The following EXOC6B variants were observed in gnomAD, a reference collection of about 807,000 sequenced individuals.
EXOC6B encodes SEC15 homolog B.
In EXOC6B, 54 loss-of-function variants were observed where a neutral mutation model predicts 113.5. The ratio of observed to expected loss-of-function variants is 0.48; its 90% CI spans 0.38 to 0.60. The LOEUF is 0.60. Among genes scored for constraint, EXOC6B ranks in the 20% least tolerant of loss-of-function variants. The pLI is 0.00. For synonymous variants in EXOC6B, 357 were observed against 339.0 expected (o/e 1.05, Z -0.58); for missense variants, 797 against 977.5 (o/e 0.82, Z 2.46).
At chr2:72,545,142 A>T (rs966174697) in intron 8 of EXOC6B, among the ~76,000 whole-genome samples, 2 of 152,154 alleles carry the variant, frequency 1.3e-5, no homozygotes, top group Non-Finnish European at 2.9e-5. Context: ...AAAAAATACT[A>T]GGCTATGGGA....
At chr2:72,682,921 T>C (rs959243995) in intron 6 of EXOC6B, among the ~76,000 whole-genome samples, 1 of 152,208 alleles carries the variant, frequency 6.6e-6, no homozygotes, top group Non-Finnish European at 1.5e-5. Context: ...AGTTCTCATG[T>C]AATTCCAGGG....
intron 2 of EXOC6B, among the ~76,000 whole-genome samples, chr2:72,735,680 G>A (rs1252459435): frequency 6.6e-6 from 1 of 151,778 alleles, no homozygotes; most frequent in African/African-American, 2.4e-5. Context: ...GCTGGGCATG[G>A]TGGTGCATGC....
intron 6 of EXOC6B, among the ~76,000 whole-genome samples, chr2:72,716,114 T>C (rs1679600080): frequency 6.6e-6 from 1 of 152,190 alleles, no homozygotes; most frequent in African/African-American, 2.4e-5. Context: ...ACCAACAGAA[T>C]ATGGGTAGAA....
intron 6 of EXOC6B, among the ~76,000 whole-genome samples, chr2:72,662,438 A>C (rs1675090825): frequency 6.6e-6 from 1 of 152,238 alleles, no homozygotes; most frequent in Admixed American, 6.5e-5. Context: ...TCCAGAATAC[A>C]TAAACAACTC....
At chr2:72,473,175 T>C (rs541685832) in intron 17 of EXOC6B, among the ~76,000 whole-genome samples, 1 of 152,312 alleles carries the variant, frequency 6.6e-6, no homozygotes, top group South Asian at 2.1e-4. Flanking sequence ...AGATGTTCTC[T>C]AAATGTCTGT....
At position 72,202,717 on chromosome 2, in the gene EXOC6B, T is replaced by C. The variant is rs76151822; in HGVS notation, c.2197-18530A>G. ...TCAGAAGTAGATACTAAGGTGACAC[T>C]GAAAAATCACCTTGTTTTAGCCAGT... On this transcript the variant is annotated intron_variant, in intron 20 of 21. Coordinates refer to ENST00000272427, the MANE Select transcript of EXOC6B (RefSeq NM_015189.3). Among the ~76,000 whole-genome samples, 463 of 152,344 alleles carry C rather than the reference T, an allele frequency of 3.0e-3. 19 individuals carry two copies. In the East Asian group the frequency reaches 0.075, roughly 25 times the overall value.
chr2:72,235,434 C>T (rs1035126184), intron 20 of EXOC6B, among the ~76,000 whole-genome samples: 1 of 152,050 alleles, frequency 6.6e-6, no homozygotes, highest in Non-Finnish European at 1.5e-5. Context: ...GGGAGAGGAT[C>T]GAAAAACTAC....
intron 16 of EXOC6B, among the ~76,000 whole-genome samples, chr2:72,483,134 C>A (rs778889921): frequency 7.2e-5 from 11 of 152,170 alleles, no homozygotes; most frequent in Non-Finnish European, 1.3e-4. Context: ...CCAAAATAAG[C>A]AATTCATCAC....
At chr2:72,710,295 C>G (rs1319891322) in intron 6 of EXOC6B, among the ~76,000 whole-genome samples, 1 of 152,092 alleles carries the variant, frequency 6.6e-6, no homozygotes, top group Non-Finnish European at 1.5e-5. Context: ...CACCCCAACT[C>G]AATATCAGTA....
intron 1 of EXOC6B, among the ~76,000 whole-genome samples, chr2:72,808,886 A>G (rs1040414359): frequency 3.3e-5 from 5 of 152,198 alleles, no homozygotes; most frequent in African/African-American, 1.2e-4. Flanking sequence ...CCTGGGCAAC[A>G]TGGCAAAACC....
rs1271470883 is a variant in EXOC6B, at chr2:72,176,120, CAAGT to C, written c.*3211_*3214del. 2.6e-5 allele frequency: 4 copies of C among 152,134 alleles called. No homozygotes were observed. Among genetic ancestry groups the C allele is most frequent in the African/African-American group, 9.7e-5 (4 of 41,428 alleles). The allele number at this position is 152,134 out of a possible 1,614,324, so 9.4% of individuals were successfully genotyped here. A position where few individuals can be genotyped will look rare whatever the true frequency, so the allele number is the denominator to read the frequency against. ...CGGCCCATCTGTATCAGTAGCTTTA[CAAGT>C]AAGTTTTAGAGAAAAAAGTTCCCTT... is the stretch of plus-strand genomic sequence containing the variant. On this transcript the variant is annotated 3_prime_UTR_variant, in exon 22 of 22. Coordinates refer to ENST00000272427, the MANE Select transcript of EXOC6B (RefSeq NM_015189.3).
chr2:72,400,070 G>C (rs1455628187), intron 18 of EXOC6B, among the ~76,000 whole-genome samples: 2 of 151,972 alleles, frequency 1.3e-5, no homozygotes, highest in Non-Finnish European at 2.9e-5. Flanking sequence ...GCATGGTACT[G>C]GTATAAAAAT....
chr2:72,587,703 C>T (rs563805487), intron 6 of EXOC6B, among the ~76,000 whole-genome samples: 19 of 151,634 alleles, frequency 1.3e-4, no homozygotes, highest in East Asian at 1.2e-3. Context: ...AATCATTGGG[C>T]GTCAAAGAGA....
At chr2:72,799,978 T>C (rs1251707616) in intron 1 of EXOC6B, among the ~76,000 whole-genome samples, 2 of 152,026 alleles carry the variant, frequency 1.3e-5, no homozygotes, top group Admixed American at 6.5e-5. Context: ...AGTGGGAAGA[T>C]AGTTTGAGCC....
intron 17 of EXOC6B, among the ~76,000 whole-genome samples, chr2:72,474,555 A>C (rs1306790578): frequency 2.0e-5 from 3 of 151,624 alleles, no homozygotes; most frequent in African/African-American, 7.3e-5. Flanking sequence ...AAGATTTTGA[A>C]CATATTTTGC....
chr2:72,776,635 T>C (rs966700573), intron 1 of EXOC6B, among the ~76,000 whole-genome samples: 10 of 151,258 alleles, frequency 6.6e-5, no homozygotes, highest in Non-Finnish European at 8.8e-5. Context: ...AAAAGTTAAG[T>C]TTCTGTATAA....
intron 20 of EXOC6B, among the ~76,000 whole-genome samples, chr2:72,308,868 T>C (rs1572892522): frequency 6.6e-6 from 1 of 152,070 alleles, no homozygotes; most frequent in Non-Finnish European, 1.5e-5. Context: ...TTTTTATTAG[T>C]AGGAAAAGAA....
At chr2:72,614,355 G>A (rs1314559052) in intron 6 of EXOC6B, among the ~76,000 whole-genome samples, 5 of 152,108 alleles carry the variant, frequency 3.3e-5, no homozygotes, top group African/African-American at 1.2e-4. Context: ...GCAGGGCAGG[G>A]AACCAGGAGA....
At chr2:72,562,925 C>G (rs571346453) in intron 7 of EXOC6B, among the ~76,000 whole-genome samples, 1 of 152,160 alleles carries the variant, frequency 6.6e-6, no homozygotes, top group East Asian at 1.9e-4. Flanking sequence ...AGTTGTTTTC[C>G]TTAAGAATTC....
Sources: gnomAD v4.1 joint callset for allele counts (sites outside exome capture counted in the v4.1 genomes callset) on GRCh38, gnomAD v4.1.1 for gene constraint, MANE v1.5 for transcripts, NCBI Gene and HGNC (gene_info 2026-07-23, HGNC 2026-07-21) for gene names.